Variants in UBE4B observed in about 807,000 individuals in gnomAD.
The protein encoded by UBE4B is ubiquitination factor E4B.
A neutral mutation model predicts 148.1 loss-of-function variants in UBE4B; 27 were observed. The ratio of observed to expected loss-of-function variants is 0.18; its 90% CI spans 0.13 to 0.25. The LOEUF is 0.25. Ranked by LOEUF, UBE4B falls within the 10% of genes least tolerant of loss-of-function variation. The probability of loss-of-function intolerance (pLI) is 1.00; values close to 1 mark genes in which losing one functional copy is unlikely to be tolerated. For synonymous variants in UBE4B, 596 were observed against 619.3 expected (o/e 0.96, Z 0.56); for missense variants, 1,170 against 1,662.4 (o/e 0.70, Z 5.15).
intron 3 of UBE4B, 60 bp downstream of exon 3, chr1:10,095,656 C>CA (rs1400710443): frequency 6.2e-7 from 1 of 1,603,774 alleles, no homozygotes; most frequent in Non-Finnish European, 8.5e-7. Context: ...AAGATCCATT[C>CA]ACTTTAGCCT....
At chr1:10,045,145 C>T (rs1417901450) in intron 1 of UBE4B, among the ~76,000 whole-genome samples, 1 of 152,084 alleles carries the variant, frequency 6.6e-6, no homozygotes, top group Non-Finnish European at 1.5e-5. Flanking sequence ...TTGCAGGAGG[C>T]GGAGCTCAGG....
rs1222818425 is a variant in UBE4B at position 10,168,436 on chromosome 1, ACT to A, written c.3333+169_3333+170del. Among the ~76,000 whole-genome samples, 2 of 152,104 alleles carry A rather than the reference ACT, an allele frequency of 1.3e-5. No homozygotes were observed. The highest frequency in any genetic ancestry group is 4.8e-5 in the African/African-American group (2 of 41,424). On this transcript the variant is annotated intron_variant, in intron 24 of 27. Coordinates refer to ENST00000343090, the MANE Select transcript of UBE4B (RefSeq NM_001105562.3). This position sits in a 1 kb window ranked among gnomAD's most constrained non-coding sequence, Gnocchi z 4.9. ...TCCCAGTTATGCTAATTGATACCAG[ACT>A]CTGTTGATGGACTGAAGAGCAGATG... is the stretch of plus-strand genomic sequence containing the variant.
intron 2 of UBE4B, among the ~76,000 whole-genome samples, chr1:10,093,727 C>G (rs537391245): frequency 1.1e-4 from 17 of 149,482 alleles, no homozygotes; most frequent in Admixed American, 2.7e-4. Context: ...CGGAGTCTTG[C>G]TCTGTCACCC....
At chr1:10,092,878 T>G (rs192972996) in intron 2 of UBE4B, among the ~76,000 whole-genome samples, 12 of 150,998 alleles carry the variant, frequency 7.9e-5, no homozygotes, top group Admixed American at 2.0e-4. Context: ...AGTCCCCTGG[T>G]GTTTAGAGAT....
At chr1:10,132,274 G>C in intron 14 of UBE4B, 95 bp from the exon 15 acceptor site, 2 of 827,842 alleles carry the variant, frequency 2.4e-6, no homozygotes, top group Non-Finnish European at 3.8e-6. Flanking sequence ...GGAGAGGAGA[G>C]AACGTGGGAA....
intron 1 of UBE4B, among the ~76,000 whole-genome samples, chr1:10,056,755 ATGGGGCC>A (rs1454626909): frequency 6.6e-6 from 1 of 152,154 alleles, no homozygotes; most frequent in African/African-American, 2.4e-5. Context: ...GCTTGAGAAG[ATGGGGCC>A]TGGGGTAGCA....
intron 21 of UBE4B, among the ~76,000 whole-genome samples, chr1:10,158,112 A>C (rs559057648): frequency 1.3e-5 from 2 of 152,164 alleles, no homozygotes; most frequent in African/African-American, 4.8e-5. Context: ...TGTCCTAATG[A>C]TGGGAGTTTT....
chr1:10,120,303 C>A (rs1431496385), intron 9 of UBE4B, among the ~76,000 whole-genome samples: 1 of 151,736 alleles, frequency 6.6e-6, no homozygotes. Context: ...GGCGGATCAC[C>A]TGAGGTCAGG....
chr1:10,064,913 G>A (rs930231632), intron 1 of UBE4B, among the ~76,000 whole-genome samples: 8 of 151,970 alleles, frequency 5.3e-5, no homozygotes, highest in African/African-American at 1.9e-4. Flanking sequence ...ACAGGTGCCC[G>A]CTGCCATGCC....
intron 25 of UBE4B, among the ~76,000 whole-genome samples, chr1:10,178,376 T>C (rs945416773): frequency 2.0e-5 from 3 of 152,150 alleles, no homozygotes; most frequent in Non-Finnish European, 4.4e-5. Context: ...GCCTCAGTCC[T>C]GCAGCCCTCT....
At chr1:10,072,324 C>T (rs746384903) in intron 2 of UBE4B, 110 bp downstream of exon 2, 2 of 1,270,318 alleles carry the variant, frequency 1.6e-6, no homozygotes, top group Non-Finnish European at 1.1e-6. Flanking sequence ...GACATCAGCT[C>T]TTTAAAATCC....
In UBE4B at chr1:10,042,504, G is replaced by A. The variant is rs183471331; in HGVS notation, c.24+8810G>A. Reference sequence around the variant, plus strand: ...TCTACTAAAAATACAAAAATTAGCCGGGCGTGGTGGTGCACGCCTGTAATC... The same window carrying A: ...TCTACTAAAAATACAAAAATTAGCCAGGCGTGGTGGTGCACGCCTGTAATC... On this transcript the variant is annotated intron_variant, in intron 1 of 27. Coordinates refer to ENST00000343090, the MANE Select transcript of UBE4B (RefSeq NM_001105562.3). 3.2e-4 allele frequency among the ~76,000 whole-genome samples: 48 copies of A among 152,188 alleles called. 1 individual carries two copies. In the East Asian group the frequency reaches 9.3e-3, roughly 29 times the overall value.
intron 1 of UBE4B, among the ~76,000 whole-genome samples, chr1:10,037,722 T>G (rs2101764679): frequency 6.6e-6 from 1 of 151,646 alleles, no homozygotes; most frequent in Non-Finnish European, 1.5e-5. Context: ...ACCTGGCCAA[T>G]TTTTGTATTT....
At chr1:10,077,118 T>C (rs1372701180) in intron 2 of UBE4B, among the ~76,000 whole-genome samples, 2 of 152,174 alleles carry the variant, frequency 1.3e-5, no homozygotes, top group South Asian at 2.1e-4. Context: ...TCAAAAACTT[T>C]TGAAGGCTTA....
intron 15 of UBE4B, among the ~76,000 whole-genome samples, chr1:10,134,703 A>G (rs1047188946): frequency 2.0e-5 from 3 of 152,146 alleles, no homozygotes; most frequent in African/African-American, 7.2e-5. Context: ...GCTTTCTTAC[A>G]AAGTTTGCCA....
intron 11 of UBE4B, chr1:10,129,078 A>G (rs975808155): frequency 1.9e-5 from 5 of 265,554 alleles, no homozygotes; most frequent in East Asian, 1.3e-4. Context: ...TAAAAAACAT[A>G]TATAGATACA....
chr1:10,037,631 C>T (rs1162606221), intron 1 of UBE4B, among the ~76,000 whole-genome samples: 1 of 152,094 alleles, frequency 6.6e-6, no homozygotes, highest in Non-Finnish European at 1.5e-5. Context: ...GATCTTGGCT[C>T]ACTGCAACCT....
chr1:10,085,090 CACCTT>C (rs1391550670), intron 2 of UBE4B, among the ~76,000 whole-genome samples: 1 of 152,130 alleles, frequency 6.6e-6, no homozygotes, highest in African/African-American at 2.4e-5. Flanking sequence ...AAGAATTTGT[CACCTT>C]TAACACCTAG....
chr1:10,056,785 A>C (rs1380051853), intron 1 of UBE4B, among the ~76,000 whole-genome samples: 2 of 152,130 alleles, frequency 1.3e-5, no homozygotes, highest in Non-Finnish European at 2.9e-5. Context: ...TCACTCACCC[A>C]TTGCACATGG....
Sources: gnomAD v4.1 joint callset for allele counts (sites outside exome capture counted in the v4.1 genomes callset) on GRCh38, gnomAD v4.1.1 for gene constraint, Gnocchi (gnomAD v3.1) non-coding constraint, MANE v1.5 for transcripts, NCBI Gene and HGNC (gene_info 2026-07-23, HGNC 2026-07-21) for gene names.